Variants in NLGN1 observed in about 807,000 individuals in gnomAD.
The protein encoded by NLGN1 is neuroligin-1.
A neutral mutation model predicts 65.5 loss-of-function variants in NLGN1; 12 were observed. The ratio of observed to expected loss-of-function variants is 0.18; its 90% CI spans 0.12 to 0.30. NLGN1 has a LOEUF of 0.30. Among genes scored for constraint, NLGN1 ranks in the 10% least tolerant of loss-of-function variants. The probability of loss-of-function intolerance (pLI) is 1.00; values close to 1 mark genes in which losing one functional copy is unlikely to be tolerated. For synonymous variants in NLGN1, 350 were observed against 359.5 expected, an observed-to-expected ratio of 0.97 and a Z score of 0.30; for missense variants, 750 against 1,007.1, an observed-to-expected ratio of 0.74 and a Z score of 3.46.
At chr3:173,903,925 T>A (rs923525394) in intron 4 of NLGN1, among the ~76,000 whole-genome samples, 1 of 152,114 alleles carries the variant, frequency 6.6e-6, no homozygotes, top group Non-Finnish European at 1.5e-5. Context: ...TAGTCTTTTT[T>A]CCCCAGCACA....
chr3:173,504,631 C>CCT (rs1293061788), intron 2 of NLGN1, among the ~76,000 whole-genome samples: 2 of 151,998 alleles, frequency 1.3e-5, no homozygotes, highest in African/African-American at 4.8e-5. Flanking sequence ...CCAAGATTTC[C>CCT]ATGTCCTCTT....
chr3:174,060,829 G>A lies in NLGN1; in HGVS notation c.647-214486G>A, dbSNP rs559086383. Among the ~76,000 whole-genome samples the A allele has an allele frequency of 2.1e-4, 32 of 152,078 alleles. 1 individual carries two copies. Among genetic ancestry groups the A allele is most frequent in the Admixed American group, 1.8e-3 (27 of 15,248 alleles). On this transcript the variant is annotated intron_variant, in intron 4 of 6. Transcript: ENST00000457714. Reference sequence around the variant, plus strand: ...TTATATAATGAAACCTGTCTGGATCGGAATCCTAAAGCTATTATCTTTCTA... The same window carrying A: ...TTATATAATGAAACCTGTCTGGATCAGAATCCTAAAGCTATTATCTTTCTA...
intron 4 of NLGN1, among the ~76,000 whole-genome samples, chr3:173,929,869 T>C (rs1306946550): frequency 6.6e-6 from 1 of 151,956 alleles, no homozygotes; most frequent in African/African-American, 2.4e-5. Flanking sequence ...CACGCCCAGC[T>C]AATTTTGTGT....
intron 4 of NLGN1, among the ~76,000 whole-genome samples, chr3:174,140,614 G>T (rs1183811266): frequency 6.6e-6 from 1 of 152,054 alleles, no homozygotes; most frequent in African/African-American, 2.4e-5. Context: ...CAAGCAATAT[G>T]GTTCAGCAAT....
intron 2 of NLGN1, among the ~76,000 whole-genome samples, chr3:173,585,256 C>G (rs541689804): frequency 3.6e-4 from 55 of 152,126 alleles, no homozygotes; most frequent in Non-Finnish European, 5.1e-4. Context: ...AAGCTCTCAA[C>G]TTTGCATTGA....
exon 7 of NLGN1, chr3:174,281,459 A>C: frequency 1.7e-6 from 1 of 604,908 alleles, no homozygotes; most frequent in Non-Finnish European, 3.0e-6. Flanking sequence ...AAAAAAATGA[A>C]TTGTATATAT....
intron 4 of NLGN1, among the ~76,000 whole-genome samples, chr3:174,083,558 A>C (rs2152553846): frequency 6.6e-6 from 1 of 152,296 alleles, no homozygotes; most frequent in Non-Finnish European, 1.5e-5. Context: ...CATCTCATAT[A>C]TTGAGGTTAC....
At chr3:174,164,129 A>G (rs1443269956) in intron 4 of NLGN1, among the ~76,000 whole-genome samples, 1 of 151,998 alleles carries the variant, frequency 6.6e-6, no homozygotes, top group Non-Finnish European at 1.5e-5. Flanking sequence ...CATAATAGCC[A>G]TTTTGGCTGG....
intron 3 of NLGN1, among the ~76,000 whole-genome samples, chr3:173,699,927 G>T (rs1450309208): frequency 6.6e-6 from 1 of 152,156 alleles, no homozygotes; most frequent in African/African-American, 2.4e-5. Context: ...GGTCACAGAG[G>T]TACTATTTAG....
At chr3:173,947,470 T>C (rs1273097984) in intron 4 of NLGN1, among the ~76,000 whole-genome samples, 1 of 152,232 alleles carries the variant, frequency 6.6e-6, no homozygotes, top group East Asian at 1.9e-4. Context: ...TGAAGCTATA[T>C]ATAAAGCTCT....
In NLGN1 at chr3:173,793,343, G is replaced by A. The variant is rs1713232052; in HGVS notation, c.494-14337G>A. 2.6e-5 allele frequency among the ~76,000 whole-genome samples: 4 copies of A among 152,060 alleles called. No individual in the cohort carries two copies. In the South Asian group the frequency reaches 8.3e-4, roughly 31 times the overall value. On this transcript the variant is annotated intron_variant, in intron 3 of 6. Transcript: ENST00000457714. ...TGAAATATGATGAGAGCAAAGGAAGGAAGAGGGAATAGTTAAATATTATTT... is the reference window on the plus strand; with the variant it reads ...TGAAATATGATGAGAGCAAAGGAAGAAAGAGGGAATAGTTAAATATTATTT...
upstream of NLGN1, chr3:173,397,972 G>A (rs1716932255): frequency 6.6e-6 from 1 of 152,296 alleles, no homozygotes; most frequent in East Asian, 1.9e-4. Context: ...CGCCTCCAAA[G>A]CCTTAGAGCG....
chr3:173,885,443 A>T (rs905491737), intron 4 of NLGN1, among the ~76,000 whole-genome samples: 1 of 152,174 alleles, frequency 6.6e-6, no homozygotes, highest in Non-Finnish European at 1.5e-5. Flanking sequence ...ACTATATTAA[A>T]GTGTAAAGGC....
At chr3:174,129,599 A>C (rs1463324483) in intron 4 of NLGN1, among the ~76,000 whole-genome samples, 6 of 152,190 alleles carry the variant, frequency 3.9e-5, no homozygotes, top group African/African-American at 1.4e-4. Context: ...TGACTTTTTC[A>C]AAATTGTACT....
chr3:173,424,647 C>T (rs188237448), intron 1 of NLGN1, among the ~76,000 whole-genome samples: 53 of 152,330 alleles, frequency 3.5e-4, no homozygotes, highest in African/African-American at 9.6e-4. Context: ...AGTCTCTTTG[C>T]TAAAGCATAG....
intron 4 of NLGN1, among the ~76,000 whole-genome samples, chr3:173,966,531 G>A (rs1714904402): frequency 6.6e-6 from 1 of 152,282 alleles, no homozygotes; most frequent in Admixed American, 6.5e-5. Flanking sequence ...ATGGAAAACT[G>A]TAGATATCGG....
intron 4 of NLGN1, among the ~76,000 whole-genome samples, chr3:174,003,456 A>T (rs554739920): frequency 6.6e-6 from 1 of 152,194 alleles, no homozygotes; most frequent in Non-Finnish European, 1.5e-5. Context: ...TTGTACACAC[A>T]TTAAAATTTA....
At chr3:174,250,188 G>A (rs977339449) in intron 4 of NLGN1, among the ~76,000 whole-genome samples, 8 of 151,994 alleles carry the variant, frequency 5.3e-5, no homozygotes, top group African/African-American at 1.9e-4. Context: ...CTTCTAATCA[G>A]GGCTATTATA....
intron 2 of NLGN1, among the ~76,000 whole-genome samples, chr3:173,591,248 A>G (rs181756103): frequency 6.6e-6 from 1 of 152,318 alleles, no homozygotes; most frequent in Non-Finnish European, 1.5e-5. Flanking sequence ...TGTTACACAA[A>G]TGGCCCATGA....
Sources: gnomAD v4.1 joint callset for allele counts (sites outside exome capture counted in the v4.1 genomes callset) on GRCh38, gnomAD v4.1.1 for gene constraint, MANE v1.5 for transcripts, NCBI Gene and HGNC (gene_info 2026-07-23, HGNC 2026-07-21) for gene names.